The following PLEKHM3 variants were observed in gnomAD, a reference collection of about 807,000 sequenced individuals.
PLEKHM3 encodes the protein pleckstrin homology domain containing M3, also known as pleckstrin homology domain-containing family M member 3.
Under a neutral mutation model 81.8 loss-of-function variants are expected in PLEKHM3, and 45 were observed. That is an observed-to-expected ratio of 0.55 (90% CI 0.43 to 0.71). The LOEUF is 0.71. PLEKHM3 is among the 30% of genes least tolerant of loss of function. The pLI is 0.00. For synonymous variants in PLEKHM3, 352 were observed against 356.4 expected (o/e 0.99, Z 0.14); for missense variants, 788 against 924.3 (o/e 0.85, Z 1.91).
Position 207,908,629 on chromosome 2 carries a change from A to G in PLEKHM3, c.1887-52T>C, listed in dbSNP as rs1574395280. 6.1e-6 allele frequency: 9 copies of G among 1,477,512 alleles called. No homozygotes were observed. The East Asian group carries it at 1.4e-4, about 23-fold the overall frequency. The allele number at this position is 1,477,512 out of a possible 1,614,324, so 91.5% of individuals were successfully genotyped here. A position where few individuals can be genotyped will look rare whatever the true frequency, so the allele number is the denominator to read the frequency against. ...GAACTGTGGTGCTGCCATAACACACATTTTTCTGATAAGTTTCAGTCTCAT... is the reference window on the plus strand; with the variant it reads ...GAACTGTGGTGCTGCCATAACACACGTTTTTCTGATAAGTTTCAGTCTCAT... On this transcript the variant is annotated intron_variant, in intron 5 of 7. Coordinates refer to ENST00000427836, the MANE Select transcript of PLEKHM3 (RefSeq NM_001080475.3).
At position 207,946,522 on chromosome 2, in the gene PLEKHM3, GA is replaced by G. The variant is rs1574431667; in HGVS notation, c.1547-11del. The G allele has an allele frequency of 1.2e-6, 2 of 1,609,262 alleles. No homozygotes were observed. The highest frequency in any genetic ancestry group is 1.7e-6 in the Non-Finnish European group (2 of 1,178,490). On this transcript the variant is annotated splice_polypyrimidine_tract_variant and intron_variant, in intron 3 of 7. Transcript: ENST00000427836. ...ATGGATCGCTGGCAGCCTGTTCAAG[GA>G]AAAAGGAAGAGTCTATGATTGCTGT...
intron 3 of PLEKHM3, among the ~76,000 whole-genome samples, chr2:207,954,400 A>C (rs147979248): frequency 1.3e-5 from 2 of 152,352 alleles, no homozygotes; most frequent in Non-Finnish European, 2.9e-5. Flanking sequence ...TTATGTTTGT[A>C]AAGTATTAGT....
rs145805582 is a variant in PLEKHM3 at position 208,016,704 on chromosome 2, T to C, written c.-319+8685A>G. On this transcript the variant is annotated intron_variant, in intron 1 of 7. Transcript: ENST00000427836. ...ACACACACACACACACACCCTGGTT[T>C]CATATTACCATACTACCATGAAAAT... Among the ~76,000 whole-genome samples the C allele has an allele frequency of 1.6e-4, 17 of 103,652 alleles. No homozygotes were observed. The East Asian group carries it at 4.3e-3, about 26-fold the overall frequency. The allele number at this position is 103,652 out of a possible 152,430, so 68.0% of individuals were successfully genotyped here.
Position 208,025,382 on chromosome 2 carries a change from T to C in PLEKHM3, c.-319+7A>G, listed in dbSNP as rs749443322. The C allele has an allele frequency of 1.3e-5, 2 of 152,320 alleles. No individual in the cohort carries two copies. Among genetic ancestry groups the C allele is most frequent in the Non-Finnish European group, 2.9e-5 (2 of 68,146 alleles). The allele number at this position is 152,320 out of a possible 1,614,324, so 9.4% of individuals were successfully genotyped here. Reference sequence around the variant, plus strand: ...GCCAGGCAGCACAGAAGCAGACGGATGCTCACCTGGGCCCCGGCTGCTACT... The same window carrying C: ...GCCAGGCAGCACAGAAGCAGACGGACGCTCACCTGGGCCCCGGCTGCTACT... On this transcript the variant is annotated splice_region_variant and intron_variant, in intron 1 of 7. Transcript: ENST00000427836.
chr2:207,976,626 T>C lies in PLEKHM3; in HGVS notation c.1546+25A>G, dbSNP rs764404868. The C allele has an allele frequency of 5.0e-6, 8 of 1,596,202 alleles. No individual in the cohort carries two copies. In the South Asian group the frequency reaches 8.0e-5, roughly 16 times the overall value. ...GGTTCAGGATTGTTCTTTAATGAGC[T>C]ATAGGCTGAAAATCTGCTTCATACC... On this transcript the variant is annotated intron_variant, in intron 3 of 7. Transcript: ENST00000427836. This position sits in a 1 kb window ranked among gnomAD's most constrained non-coding sequence, Gnocchi z 4.1.
chr2:207,861,022 G>T (rs764425470), intron 7 of PLEKHM3, 83 bp downstream of exon 7: 17 of 1,460,726 alleles, frequency 1.2e-5, no homozygotes, highest in Non-Finnish European at 1.6e-5. Flanking sequence ...TACACTACTT[G>T]ACTAAAAGTT....
At chr2:207,981,127 CAAAAAAAA>C (rs553157217) in intron 2 of PLEKHM3, among the ~76,000 whole-genome samples, 4 of 73,506 alleles carry the variant, frequency 5.4e-5, no homozygotes, top group Non-Finnish European at 1.1e-4. Flanking sequence ...GACTCCATCT[CAAAAAAAA>C]AAAAAAGAAA....
chr2:208,017,494 G>A (rs145890902), intron 1 of PLEKHM3, among the ~76,000 whole-genome samples: 2 of 152,182 alleles, frequency 1.3e-5, no homozygotes, highest in East Asian at 3.9e-4. Context: ...TGGTGGTCTT[G>A]GAAAGGAGGG....
At chr2:207,928,528 A>G (rs1559241795) in intron 5 of PLEKHM3, among the ~76,000 whole-genome samples, 1 of 152,282 alleles carries the variant, frequency 6.6e-6, no homozygotes, top group Non-Finnish European at 1.5e-5. Flanking sequence ...ATGTCCAAGC[A>G]CTGTTTTAAG....
chr2:207,963,422 T>C (rs995667471), intron 3 of PLEKHM3, among the ~76,000 whole-genome samples: 13 of 152,158 alleles, frequency 8.5e-5, no homozygotes, highest in Admixed American at 3.9e-4. Flanking sequence ...CACTGAAGAA[T>C]TGTAAAGAGA....
At chr2:207,852,706 A>G in intron 7 of PLEKHM3, 1 of 404,872 alleles carries the variant, frequency 2.5e-6, no homozygotes, top group Admixed American at 3.6e-5. Flanking sequence ...GAGGGGAGGG[A>G]GGCAGGGAAA....
At chr2:207,906,837 G>T (rs1416413219) in intron 6 of PLEKHM3, among the ~76,000 whole-genome samples, 1 of 151,990 alleles carries the variant, frequency 6.6e-6, no homozygotes, top group African/African-American at 2.4e-5. Context: ...GGGACAAAAA[G>T]AACACAAAAG....
chr2:207,858,693 C>T (rs138660135), intron 7 of PLEKHM3, among the ~76,000 whole-genome samples: 3 of 152,144 alleles, frequency 2.0e-5, no homozygotes, highest in African/African-American at 7.2e-5. Flanking sequence ...GTTGGTCAGG[C>T]TGGTCTCAAA....
At chr2:208,013,053 T>TTA (rs1692753683) in intron 1 of PLEKHM3, among the ~76,000 whole-genome samples, 1 of 152,118 alleles carries the variant, frequency 6.6e-6, no homozygotes, top group Admixed American at 6.5e-5. Context: ...TACAAAGGTG[T>TTA]TATACAAGCA....
In PLEKHM3 at chr2:207,865,236, C is replaced by T. The variant is rs1416179246; in HGVS notation, c.1951-3974G>A. On this transcript the variant is annotated intron_variant, in intron 6 of 7. Transcript: ENST00000427836. ...TTTTCTCCATTAAATACGTATATCCCGTCATTCACCACATTTCATTTATTC... is the reference window on the plus strand; with the variant it reads ...TTTTCTCCATTAAATACGTATATCCTGTCATTCACCACATTTCATTTATTC... Among the ~76,000 whole-genome samples, 6 of 152,066 alleles carry T rather than the reference C, an allele frequency of 3.9e-5. No individual in the cohort carries two copies. In the South Asian group the frequency reaches 6.2e-4, roughly 16 times the overall value.
chr2:207,995,167 C>G (rs1692029011), intron 2 of PLEKHM3, among the ~76,000 whole-genome samples: 1 of 152,120 alleles, frequency 6.6e-6, no homozygotes, highest in Admixed American at 6.6e-5. Context: ...TTTGCAGATT[C>G]ATTGGTCTCC....
At chr2:207,881,581 T>C (rs1002388557) in intron 6 of PLEKHM3, among the ~76,000 whole-genome samples, 2 of 152,230 alleles carry the variant, frequency 1.3e-5, no homozygotes, top group Non-Finnish European at 2.9e-5. Context: ...TAACTATGTG[T>C]GCTTCCCAAA....
rs977037421 is a variant in PLEKHM3 at position 207,852,868 on chromosome 2, A to C, written c.2108+8237T>G. 1.2e-4 allele frequency: 50 copies of C among 420,478 alleles called. 2 individuals are homozygous for C. Among genetic ancestry groups the C allele is most frequent in the Admixed American group, 9.4e-4 (29 of 30,808 alleles). 26.0% of individuals were successfully genotyped at this position (420,478 alleles called of 1,614,324 possible). A position where few individuals can be genotyped will look rare whatever the true frequency, so the allele number is the denominator to read the frequency against. On this transcript the variant is annotated intron_variant, in intron 7 of 7. Coordinates refer to ENST00000427836, the MANE Select transcript of PLEKHM3 (RefSeq NM_001080475.3). ...TTAAAAAGAAAAAAAGAAAAAAAAA[A>C]CCCCAAACCTAAAAAACACAGAGCT...
At chr2:207,978,765 C>T (rs1238174000) in intron 2 of PLEKHM3, among the ~76,000 whole-genome samples, 1 of 151,234 alleles carries the variant, frequency 6.6e-6, no homozygotes, top group Non-Finnish European at 1.5e-5. Context: ...TGTCCTGATT[C>T]CCCAACCTCG....
Sources: gnomAD v4.1 joint callset for allele counts (sites outside exome capture counted in the v4.1 genomes callset) on GRCh38, gnomAD v4.1.1 for gene constraint, Gnocchi (gnomAD v3.1) non-coding constraint, MANE v1.5 for transcripts, NCBI Gene and HGNC (gene_info 2026-07-23, HGNC 2026-07-21) for gene names.